Variants in NRG1 observed in about 807,000 individuals in gnomAD.
NRG1 encodes the protein pro-neuregulin-1, membrane-bound isoform.
NRG1 carries 18 observed loss-of-function variants against 63.8 expected under a neutral mutation model. That is an observed-to-expected ratio of 0.28 (90% confidence interval 0.19 to 0.42). NRG1 has a LOEUF of 0.42. Among genes scored for constraint, NRG1 ranks in the 10% least tolerant of loss-of-function variants. NRG1 has a pLI of 1.00. For synonymous variants in NRG1, 302 were observed against 301.3 expected (o/e 1.00, Z -0.02); for missense variants, 762 against 814.7 (o/e 0.94, Z 0.79).
Position 32,103,205 on chromosome 8 carries a change from G to A in NRG1, c.37+463774G>A, listed in dbSNP as rs560684127. Among the ~76,000 whole-genome samples, 4 of 152,048 alleles carry A rather than the reference G, an allele frequency of 2.6e-5. No individual in the cohort carries two copies. In the East Asian group the frequency reaches 7.8e-4, roughly 29 times the overall value. ...CCCCCAGTACCCTTCCTATCCTCTG[G>A]TAACCATCCTTCCATTCTCTATCTC... On this transcript the variant is annotated intron_variant, in intron 1 of 10. Transcript: ENST00000519301.
At chr8:32,757,143 T>G (rs1327275346) in intron 9 of NRG1, among the ~76,000 whole-genome samples, 3 of 152,206 alleles carry the variant, frequency 2.0e-5, no homozygotes, top group Non-Finnish European at 4.4e-5. Flanking sequence ...CCATAATCAT[T>G]AAAATATTTT....
chr8:32,359,405 A>T (rs912742941), intron 1 of NRG1, among the ~76,000 whole-genome samples: 1 of 152,100 alleles, frequency 6.6e-6, no homozygotes, highest in African/African-American at 2.4e-5. Flanking sequence ...CCATGCATTG[A>T]CTAATCTTGC....
chr8:31,846,918 A>G (rs1249369005), intron 1 of NRG1, among the ~76,000 whole-genome samples: 1 of 152,198 alleles, frequency 6.6e-6, no homozygotes, highest in Non-Finnish European at 1.5e-5. Context: ...ATAGGTGGTA[A>G]TGTATCAAGA....
At chr8:32,137,212 G>A (rs752054344) in intron 1 of NRG1, among the ~76,000 whole-genome samples, 19 of 152,138 alleles carry the variant, frequency 1.2e-4, no homozygotes, top group South Asian at 2.1e-4. Flanking sequence ...TTGGGAGGCC[G>A]AGGCGGGTGG....
chr8:32,176,287 G>A (rs1840721041), intron 1 of NRG1, among the ~76,000 whole-genome samples: 1 of 152,186 alleles, frequency 6.6e-6, no homozygotes, highest in Non-Finnish European at 1.5e-5. Context: ...GTAGAAAGCT[G>A]AAACTGGATC....
At chr8:32,328,195 G>A (rs1165330745) in intron 1 of NRG1, among the ~76,000 whole-genome samples, 1 of 152,220 alleles carries the variant, frequency 6.6e-6, no homozygotes, top group African/African-American at 2.4e-5. Flanking sequence ...CTGTGAGGGT[G>A]TGTGACTCAG....
At chr8:31,696,118 A>C (rs1266709270) in intron 1 of NRG1, among the ~76,000 whole-genome samples, 3 of 152,168 alleles carry the variant, frequency 2.0e-5, no homozygotes, top group Non-Finnish European at 4.4e-5. Flanking sequence ...CCCAGGCTGG[A>C]GTGCAGTGGT....
intron 1 of NRG1, among the ~76,000 whole-genome samples, chr8:32,057,960 A>G (rs1338406829): frequency 1.3e-5 from 2 of 151,996 alleles, no homozygotes; most frequent in South Asian, 2.1e-4. Flanking sequence ...ACAATAATCT[A>G]TTTTCTATCT....
intron 1 of NRG1, among the ~76,000 whole-genome samples, chr8:31,810,671 G>C (rs1822797672): frequency 6.6e-6 from 1 of 152,098 alleles, no homozygotes; most frequent in Non-Finnish European, 1.5e-5. Context: ...ATCATCCACT[G>C]TCCCTCTTTA....
At chr8:32,732,762 C>A (rs901013475) in intron 6 of NRG1, among the ~76,000 whole-genome samples, 1 of 149,770 alleles carries the variant, frequency 6.7e-6, no homozygotes. Flanking sequence ...AAAATATATA[C>A]ACCTGTTTTA....
intron 1 of NRG1, among the ~76,000 whole-genome samples, chr8:32,438,103 T>C (rs1390015381): frequency 6.6e-6 from 1 of 152,172 alleles, no homozygotes; most frequent in African/African-American, 2.4e-5. Context: ...ACTTTGATAT[T>C]GACACTGATA....
intron 1 of NRG1, among the ~76,000 whole-genome samples, chr8:32,431,090 A>G (rs1818084853): frequency 1.3e-5 from 2 of 152,182 alleles, no homozygotes; most frequent in East Asian, 1.9e-4. Context: ...TAGAGAATGA[A>G]TGTGAGGCTC....
chr8:32,389,864 G>A (rs1406554428), intron 1 of NRG1, among the ~76,000 whole-genome samples: 2 of 151,422 alleles, frequency 1.3e-5, no homozygotes, highest in Non-Finnish European at 2.9e-5. Flanking sequence ...AGGTTTAAAC[G>A]ATTTTCGTTC....
rs902092760 is a variant in NRG1 at position 32,240,135 on chromosome 8, A to G, written c.38-355693A>G. On this transcript the variant is annotated intron_variant, in intron 1 of 10. Transcript: ENST00000519301. ...TAGCTGTTTTATTTGTAAAAGCCCC[A>G]AACTGGAAACAACCCAAATATCCTT... Among the ~76,000 whole-genome samples, 6 of 152,308 alleles carry G rather than the reference A, an allele frequency of 3.9e-5. No individual in the cohort carries two copies. The South Asian group carries it at 8.3e-4, about 21-fold the overall frequency.
intron 1 of NRG1, among the ~76,000 whole-genome samples, chr8:32,345,971 G>A (rs1409065783): frequency 1.3e-5 from 2 of 151,394 alleles, no homozygotes; most frequent in Non-Finnish European, 2.9e-5. Context: ...TGGCACCACT[G>A]TACTCCAGTC....
chr8:32,276,969 A>AGAAG, intron 1 of NRG1, among the ~76,000 whole-genome samples: 1 of 152,166 alleles, frequency 6.6e-6, no homozygotes. Flanking sequence ...TAAGGTTGTT[A>AGAAG]CCTGTGGCCT....
chr8:31,960,631 T>G (rs1465099140), intron 1 of NRG1, among the ~76,000 whole-genome samples: 1 of 152,244 alleles, frequency 6.6e-6, no homozygotes, highest in Non-Finnish European at 1.5e-5. Context: ...GTTTCCAGTC[T>G]ACGGAGCTAC....
chr8:31,752,579 A>C (rs73671102), intron 1 of NRG1, among the ~76,000 whole-genome samples: 9,180 of 152,110 alleles, frequency 0.06, 899 homozygotes, highest in African/African-American at 0.21. Flanking sequence ...AGGAAGAAGT[A>C]ATCAAATTTG....
chr8:32,732,241 A>C (rs1203267590), intron 6 of NRG1, among the ~76,000 whole-genome samples: 1 of 152,168 alleles, frequency 6.6e-6, no homozygotes, highest in African/African-American at 2.4e-5. Flanking sequence ...AGATGAGAAA[A>C]GAATCATTCC....
Sources: allele counts gnomAD v4.1 joint callset (sites outside exome capture counted in the v4.1 genomes callset), GRCh38; gene constraint gnomAD v4.1.1; transcripts MANE v1.5; gene names NCBI Gene and HGNC (gene_info 2026-07-23, HGNC 2026-07-21).